PBX1: variants seen among roughly 807,000 people sequenced by gnomAD.
The protein encoded by PBX1 is PBX homeobox 1.
A neutral mutation model predicts 53.4 loss-of-function variants in PBX1; 6 were observed. The ratio of observed to expected loss-of-function variants is 0.11; its 90% confidence interval spans 0.06 to 0.22. The LOEUF (loss-of-function observed/expected upper bound fraction) is 0.22, where lower values mean the gene tolerates loss of function less well. Ranked by LOEUF, PBX1 falls within the 10% of genes least tolerant of loss-of-function variation. The pLI, the probability that PBX1 is intolerant of heterozygous loss-of-function variation, is 1.00. For missense variants in PBX1, 251 were observed against 551.4 expected (o/e 0.46, Z 5.46); for synonymous variants, 204 against 212.3 (o/e 0.96, Z 0.34).
intron 2 of PBX1, among the ~76,000 whole-genome samples, chr1:164,656,362 G>A (rs1660163268): frequency 6.6e-6 from 1 of 152,148 alleles, no homozygotes; most frequent in Non-Finnish European, 1.5e-5. Context: ...GGAGGCAAAT[G>A]TTCAGTACAT....
At chr1:164,630,428 T>C (rs1372934880) in intron 2 of PBX1, among the ~76,000 whole-genome samples, 1 of 152,322 alleles carries the variant, frequency 6.6e-6, no homozygotes, top group East Asian at 1.9e-4. Context: ...CTAGTGGTTA[T>C]GCTGTTTTCA....
chr1:164,711,046 T>C (rs1663736168), intron 2 of PBX1, among the ~76,000 whole-genome samples: 1 of 152,176 alleles, frequency 6.6e-6, no homozygotes, highest in South Asian at 2.1e-4. Flanking sequence ...TTGTACCTTC[T>C]TGCTGTCAAC....
chr1:164,640,556 G>GTTTTTTTTTTTTT (rs1272033438), intron 2 of PBX1, among the ~76,000 whole-genome samples: 43 of 30,576 alleles, frequency 1.4e-3, no homozygotes, highest in Non-Finnish European at 3.1e-3. Flanking sequence ...TTTTTTTTTT[G>GTTTTTTTTTTTTT]TGTTTTTTTT....
intron 2 of PBX1, among the ~76,000 whole-genome samples, chr1:164,617,979 A>G (rs761858260): frequency 1.3e-5 from 2 of 152,094 alleles, no homozygotes; most frequent in Non-Finnish European, 1.5e-5. Context: ...CATCTCAGGG[A>G]TTAGAACCCA....
intron 2 of PBX1, among the ~76,000 whole-genome samples, chr1:164,638,010 A>G (rs1571122337): frequency 1.3e-5 from 2 of 152,310 alleles, no homozygotes; most frequent in South Asian, 4.1e-4. Flanking sequence ...GACCATCTCA[A>G]TATCAGTGGA....
chr1:164,621,691 G>C (rs920652082), intron 2 of PBX1, among the ~76,000 whole-genome samples: 2 of 152,110 alleles, frequency 1.3e-5, no homozygotes, highest in African/African-American at 4.8e-5. Flanking sequence ...TGCACATTTA[G>C]CCAATGGAGT....
At chr1:164,774,820 A>G (rs1000943255) in intron 2 of PBX1, among the ~76,000 whole-genome samples, 1 of 152,130 alleles carries the variant, frequency 6.6e-6, no homozygotes, top group Admixed American at 6.5e-5. Flanking sequence ...CGTCCCCTGT[A>G]GGTACACCAC....
intron 8 of PBX1, among the ~76,000 whole-genome samples, chr1:164,825,097 T>G (rs139839724): frequency 1.6e-4 from 25 of 152,224 alleles, no homozygotes; most frequent in Admixed American, 1.0e-3. Flanking sequence ...CAAAATAAAC[T>G]CTGGATGCCA....
chr1:164,582,609 G>A (rs767925761), intron 2 of PBX1, among the ~76,000 whole-genome samples: 2 of 151,982 alleles, frequency 1.3e-5, no homozygotes, highest in Non-Finnish European at 2.9e-5. Context: ...TTTTAGTAGA[G>A]ATGGGGTTTC....
In PBX1 at chr1:164,824,774, G is replaced by C. The variant is rs189813601; in HGVS notation, c.1200+3148G>C. On this transcript the variant is annotated intron_variant, in intron 8 of 8. Transcript: ENST00000420696. ...AAGCTTAGAGTGGCTCTAAGTAATG[G>C]AGGGAGATTACTCCACTTCTCTGTC... Among the ~76,000 whole-genome samples the C allele has an allele frequency of 3.2e-3, 481 of 152,234 alleles. 2 individuals carry two copies. The highest frequency in any genetic ancestry group is 5.7e-3 in the Non-Finnish European group (389 of 68,008).
intron 2 of PBX1, among the ~76,000 whole-genome samples, chr1:164,772,641 C>G (rs1324184131): frequency 1.3e-5 from 2 of 152,162 alleles, no homozygotes; most frequent in African/African-American, 4.8e-5. Context: ...ACTCCCCTGC[C>G]CTGTCCTCCT....
chr1:164,700,965 A>G (rs537825100), intron 2 of PBX1, among the ~76,000 whole-genome samples: 19 of 152,324 alleles, frequency 1.2e-4, no homozygotes, highest in African/African-American at 4.6e-4. Flanking sequence ...TCATAAATTC[A>G]TTAGCAAGAC....
Position 164,799,217 on chromosome 1 carries a change from G to A in PBX1, c.511-482G>A, listed in dbSNP as rs1393495433. ...AAAAATCCAGCATTATCAGCCAGGC[G>A]CAGTGGCTCACGCCTGTAATCCCAG... On this transcript the variant is annotated intron_variant, in intron 3 of 8. Transcript: ENST00000420696. 5.1e-4 allele frequency among the ~76,000 whole-genome samples: 78 copies of A among 152,130 alleles called. 2 individuals are homozygous for A. Among genetic ancestry groups the A allele is most frequent in the Non-Finnish European group, 1.9e-4 (13 of 68,028 alleles).
At chr1:164,784,477 A>G (rs1035420343) in intron 2 of PBX1, among the ~76,000 whole-genome samples, 1 of 152,360 alleles carries the variant, frequency 6.6e-6, no homozygotes, top group East Asian at 1.9e-4. Flanking sequence ...GCACGTGACC[A>G]GAACCGCCAA....
rs376400060 is a variant in PBX1 at position 164,649,347 on chromosome 1, C to T, written c.265+86036C>T. ...CAGTGCTTAGTATGAGGTGCTGACT[C>T]ATCTATTTTCATGCCATATAGGGAA... On this transcript the variant is annotated intron_variant, in intron 2 of 8. Coordinates refer to ENST00000420696, the MANE Select transcript of PBX1 (RefSeq NM_002585.4). Among the ~76,000 whole-genome samples the T allele has an allele frequency of 8.6e-4, 131 of 152,260 alleles. 4 individuals are homozygous for T. In the South Asian group the frequency reaches 0.019, roughly 22 times the overall value.
At chr1:164,778,602 A>G (rs550386529) in intron 2 of PBX1, among the ~76,000 whole-genome samples, 2 of 150,964 alleles carry the variant, frequency 1.3e-5, no homozygotes, top group African/African-American at 4.9e-5. Context: ...GCACCACTGC[A>G]CTCCAGCCTG....
chr1:164,676,386 G>C (rs1661434461), intron 2 of PBX1, among the ~76,000 whole-genome samples: 1 of 152,060 alleles, frequency 6.6e-6, no homozygotes, highest in South Asian at 2.1e-4. Context: ...GGTGAACCAA[G>C]GTGTGAAAGT....
intron 2 of PBX1, among the ~76,000 whole-genome samples, chr1:164,785,421 A>C (rs999988019): frequency 2.0e-5 from 3 of 152,200 alleles, no homozygotes; most frequent in South Asian, 2.1e-4. Flanking sequence ...AAATTAGAGC[A>C]TAGTTATTTT....
intron 2 of PBX1, among the ~76,000 whole-genome samples, chr1:164,692,576 C>A (rs775715178): frequency 6.4e-4 from 97 of 150,896 alleles, no homozygotes; most frequent in Non-Finnish European, 1.1e-3. Context: ...TTTAAAGTAA[C>A]CCTTTCAAGA....
Sources: gnomAD v4.1 joint callset for allele counts (sites outside exome capture counted in the v4.1 genomes callset) on GRCh38, gnomAD v4.1.1 for gene constraint, MANE v1.5 for transcripts, NCBI Gene and HGNC (gene_info 2026-07-23, HGNC 2026-07-21) for gene names.